ZNF660: variants seen among roughly 807,000 people sequenced by gnomAD.
The protein encoded by ZNF660 is zinc finger protein 660.
In ZNF660, 24 loss-of-function variants were observed where a neutral mutation model predicts 23.2. The ratio of observed to expected loss-of-function variants is 1.04; its 90% CI spans 0.75 to 1.46. The LOEUF (loss-of-function observed/expected upper bound fraction) is 1.46. Among genes scored for constraint, ZNF660 ranks in the 40% most tolerant of loss-of-function variants. ZNF660 has a pLI of 0.00. For missense variants in ZNF660, 373 were observed against 396.8 expected, an observed-to-expected ratio of 0.94 and a Z score of 0.51; for synonymous variants, 117 against 131.4, an observed-to-expected ratio of 0.89 and a Z score of 0.75.
At position 44,595,417 on chromosome 3, in the gene ZNF660, T is replaced by C. The variant is rs1205094212; in HGVS notation, c.*228T>C. ...TGAAATGAATGATGAGCTATCCATA[T>C]GATGGTTCTGCAGCCATTGCAAACA... On this transcript the variant is annotated 3_prime_UTR_variant, in exon 3 of 3. Transcript: ENST00000322734. 1 of 404,246 alleles carries C rather than the reference T, an allele frequency of 2.5e-6. No individual in the cohort carries two copies. Among genetic ancestry groups the C allele is most frequent in the Non-Finnish European group, 4.4e-6 (1 of 224,974 alleles). 25.0% of individuals were successfully genotyped at this position (404,246 alleles called of 1,614,324 possible).
chr3:44,595,171 G>A lies in ZNF660; in HGVS notation c.978G>A (p.Glu326=). ...QLIQHQRKHN[E]EKETS is the part of the protein sequence containing the mutation. ...TTCAACACCAGAGGAAACATAATGA[G>A]GAGAAAGAAACCTCATAAATAACAA... Residue 326 remains glutamate, a synonymous_variant, in exon 3 of 3, where the codon GAG becomes GAA. Transcript: ENST00000322734. The A allele has an allele frequency of 6.4e-7, 1 of 1,573,528 alleles. No homozygotes were observed. Among genetic ancestry groups the A allele is most frequent in the African/African-American group, 1.4e-5 (1 of 72,940 alleles).
At position 44,594,090 on chromosome 3, in the gene ZNF660, G is replaced by A. The variant is rs542260724; in HGVS notation, c.-104G>A. On this transcript the variant is annotated 5_prime_UTR_variant, in exon 3 of 3. Transcript: ENST00000322734. Reference sequence around the variant, plus strand: ...AAATCAGAATCATACATACTTTCAAGAGAATTCCACAGAGACATTGCCCAG... The same window carrying A: ...AAATCAGAATCATACATACTTTCAAAAGAATTCCACAGAGACATTGCCCAG... 2.2e-6 allele frequency: 3 copies of A among 1,387,454 alleles called. No individual in the cohort carries two copies. The highest frequency in any genetic ancestry group is 2.4e-5 in the South Asian group (2 of 83,170). The allele number at this position is 1,387,454 out of a possible 1,614,324, so 85.9% of individuals were successfully genotyped here. A position where few individuals can be genotyped will look rare whatever the true frequency, so the allele number is the denominator to read the frequency against.
At chr3:44,586,521 A>C (rs1294014268) in intron 2 of ZNF660, 3 of 152,162 alleles carry the variant, frequency 2.0e-5, no homozygotes, top group Non-Finnish European at 4.4e-5. Flanking sequence ...GACTGGATAG[A>C]CTGGGAGGTT....
chr3:44,594,537 T>A lies in ZNF660; in HGVS notation c.344T>A (p.Phe115Tyr). The A allele has an allele frequency of 6.2e-7, 1 of 1,614,034 alleles. No homozygotes were observed. Among genetic ancestry groups the A allele is most frequent in the Non-Finnish European group, 8.5e-7 (1 of 1,179,996 alleles). ...ACATGCAGTGAATGTGGGAAATCTT[T>A]CAGTGGAAAGTCACATCTTATTCGG... ...PYTCSECGKSFSGKSHLIRHQ... is the reference protein window; with the variant it reads ...PYTCSECGKSYSGKSHLIRHQ... Residue 115 changes from phenylalanine to tyrosine, a missense_variant, in exon 3 of 3, where the codon TTC (phenylalanine) becomes TAC (tyrosine). Phe to Tyr is a conservative substitution (Grantham distance 22). Transcript: ENST00000322734.
chr3:44,592,578 C>T (rs1214849355), intron 2 of ZNF660, among the ~76,000 whole-genome samples: 5 of 152,164 alleles, frequency 3.3e-5, no homozygotes, highest in Admixed American at 6.5e-5. Context: ...CCTACTCTGA[C>T]GCTTTTGCCA....
At position 44,597,286 on chromosome 3, in the gene ZNF660, T is replaced by G. The variant is rs1237092472; in HGVS notation, c.*2097T>G. On this transcript the variant is annotated 3_prime_UTR_variant, in exon 3 of 3. Coordinates refer to ENST00000322734, the MANE Select transcript of ZNF660 (RefSeq NM_173658.4). This position sits in a 1 kb window ranked among gnomAD's most constrained non-coding sequence, Gnocchi z 4.1. ...GGTAGCTGCCTCTATGAAAGGTGAT[T>G]GTATCTAACAATTATTTGATATTTG... 6.6e-6 allele frequency: 1 copy of G among 152,208 alleles called. No individual in the cohort carries two copies. Among genetic ancestry groups the G allele is most frequent in the Non-Finnish European group, 1.5e-5 (1 of 68,040 alleles). 9.4% of individuals were successfully genotyped at this position (152,208 alleles called of 1,614,324 possible).
chr3:44,594,825 T>C lies in ZNF660; in HGVS notation c.632T>C (p.Ile211Thr), dbSNP rs1202047840. The change falls in exon 3 of 3, where the codon ATT (isoleucine) becomes ACT (threonine). Residue 211 changes from isoleucine to threonine, a missense_variant. Coordinates refer to ENST00000322734, the MANE Select transcript of ZNF660 (RefSeq NM_173658.4). ...SNTKIMDHQR[I>T]HTGEKPYECD... ...ACAAAGATTATGGACCATCAGAGAA[T>C]TCACACTGGAGAGAAGCCTTATGAA... The C allele has an allele frequency of 1.9e-6, 3 of 1,614,092 alleles. No individual in the cohort carries two copies. The East Asian group carries it at 6.7e-5, about 36-fold the overall frequency.
chr3:44,590,845 A>C (rs1700399557), intron 2 of ZNF660, among the ~76,000 whole-genome samples: 2 of 152,178 alleles, frequency 1.3e-5, no homozygotes, highest in Admixed American at 6.5e-5. Context: ...CACCTGCTTC[A>C]TCCTTAATGA....
intron 2 of ZNF660, among the ~76,000 whole-genome samples, chr3:44,592,733 G>A (rs561930765): frequency 3.9e-5 from 6 of 152,290 alleles, no homozygotes; most frequent in Non-Finnish European, 7.4e-5. Flanking sequence ...ATGGTGAAAA[G>A]CAGACAGACT....
At chr3:44,591,355 T>C (rs979400080) in intron 2 of ZNF660, among the ~76,000 whole-genome samples, 1 of 152,138 alleles carries the variant, frequency 6.6e-6, no homozygotes, top group Admixed American at 6.5e-5. Flanking sequence ...TCTCAAACTT[T>C]TGGGCCCAAG....
Position 44,595,340 on chromosome 3 carries a change from C to T in ZNF660, c.*151C>T. On this transcript the variant is annotated 3_prime_UTR_variant, in exon 3 of 3. Transcript: ENST00000322734. ...AGATTAATGAAAGGGATGTTCATGA[C>T]AGCATCATATACGACTGAAAGAAGA... 1.1e-6 allele frequency: 1 copy of T among 877,364 alleles called. No homozygotes were observed. 54.3% of individuals were successfully genotyped at this position (877,364 alleles called of 1,614,324 possible).
chr3:44,594,592 T>G lies in ZNF660; in HGVS notation c.399T>G (p.Thr133=), dbSNP rs1423540537. Residue 133 remains threonine, a synonymous_variant, in exon 3 of 3, where the codon ACT becomes ACG. Transcript: ENST00000322734. ...AGGGAATCCACAGTGGGGAGAAAAC[T>G]TATGAATGTAAAGAGTGTGGGAAAG... ...RHQGIHSGEK[T]YECKECGKAF... The G allele has an allele frequency of 1.5e-5, 24 of 1,613,190 alleles. No individual in the cohort carries two copies. Among genetic ancestry groups the G allele is most frequent in the Non-Finnish European group, 1.9e-5 (23 of 1,179,846 alleles).
At chr3:44,585,162 G>A (rs909128915) in intron 1 of ZNF660, among the ~76,000 whole-genome samples, 155 bp downstream of exon 1, 5 of 152,126 alleles carry the variant, frequency 3.3e-5, no homozygotes, top group African/African-American at 1.2e-4. Context: ...CCTTTCTCTC[G>A]TTCAGTGCTG....
chr3:44,586,967 T>C (rs1222539356), intron 2 of ZNF660, among the ~76,000 whole-genome samples: 2 of 152,186 alleles, frequency 1.3e-5, no homozygotes, highest in Non-Finnish European at 2.9e-5. Flanking sequence ...TTTTATAGAT[T>C]TGTTATGGCA....
At chr3:44,590,436 G>A (rs1700378705) in intron 2 of ZNF660, among the ~76,000 whole-genome samples, 1 of 152,088 alleles carries the variant, frequency 6.6e-6, no homozygotes, top group Non-Finnish European at 1.5e-5. Flanking sequence ...GAACTTTCTT[G>A]TGTTTCTTTT....
intron 2 of ZNF660, among the ~76,000 whole-genome samples, chr3:44,587,749 T>C (rs1700273361): frequency 6.6e-6 from 1 of 152,210 alleles, no homozygotes; most frequent in Non-Finnish European, 1.5e-5. Flanking sequence ...TAGGCTATTC[T>C]TGTGTTGCTG....
chr3:44,599,222 G>A lies in ZNF660; in HGVS notation c.*4033G>A, dbSNP rs1700718445. 2.0e-5 allele frequency: 3 copies of A among 152,228 alleles called. No individual in the cohort carries two copies. Among genetic ancestry groups the A allele is most frequent in the African/African-American group, 7.2e-5 (3 of 41,532 alleles). 9.4% of individuals were successfully genotyped at this position (152,228 alleles called of 1,614,324 possible). A position where few individuals can be genotyped will look rare whatever the true frequency, so the allele number is the denominator to read the frequency against. On this transcript the variant is annotated 3_prime_UTR_variant, in exon 3 of 3. Transcript: ENST00000322734. ...GGTTATATAGAATTGCTCCTGTGTA[G>A]AATAAAAATATATATGCTCTTTTTA...
chr3:44,589,070 G>A (rs1700329556), intron 2 of ZNF660, among the ~76,000 whole-genome samples: 1 of 152,148 alleles, frequency 6.6e-6, no homozygotes, highest in Non-Finnish European at 1.5e-5. Context: ...TTAGGGTCTT[G>A]CTATCTTATT....
chr3:44,594,009 G>A lies in ZNF660; in HGVS notation c.-180-5G>A. ...GACATGTGCAATTTCTGTTTCTCCT[G>A]TCAGATGGTGAAACTGGGACTGAGG... On this transcript the variant is annotated splice_polypyrimidine_tract_variant and splice_region_variant and intron_variant, in intron 2 of 2. Transcript: ENST00000322734. The A allele has an allele frequency of 1.3e-6, 1 of 754,590 alleles. No homozygotes were observed. Among genetic ancestry groups the A allele is most frequent in the Non-Finnish European group, 2.3e-6 (1 of 426,936 alleles). 46.7% of individuals were successfully genotyped at this position (754,590 alleles called of 1,614,324 possible).
Sources: gnomAD v4.1 joint callset for allele counts (sites outside exome capture counted in the v4.1 genomes callset) on GRCh38, gnomAD v4.1.1 for gene constraint, Gnocchi (gnomAD v3.1) non-coding constraint, MANE v1.5 for transcripts, NCBI Gene and HGNC (gene_info 2026-07-23, HGNC 2026-07-21) for gene names.